VAV2: variants seen among roughly 807,000 people sequenced by gnomAD.
VAV2 encodes guanine nucleotide exchange factor VAV2.
Under a neutral mutation model 132.5 loss-of-function variants are expected in VAV2, and 67 were observed. The observed-to-expected ratio is 0.51, with a 90% CI of 0.42 to 0.62. The LOEUF (loss-of-function observed/expected upper bound fraction) is 0.62. Among genes scored for constraint, VAV2 ranks in the 20% least tolerant of loss-of-function variants. VAV2 has a pLI of 0.00. For synonymous variants in VAV2, 492 were observed against 443.5 expected, an observed-to-expected ratio of 1.11 and a Z score of -1.37; for missense variants, 938 against 1,153.6, an observed-to-expected ratio of 0.81 and a Z score of 2.71.
At chr9:133,849,700 T>C (rs376421436) in intron 3 of VAV2, among the ~76,000 whole-genome samples, 1 of 152,224 alleles carries the variant, frequency 6.6e-6, no homozygotes, top group East Asian at 1.9e-4. Flanking sequence ...GGGTCCTTCC[T>C]GCCTCTTCCA....
At chr9:133,777,543 C>A in intron 22 of VAV2, 80 bp from the exon 23 acceptor site, 1 of 1,369,674 alleles carries the variant, frequency 7.3e-7, no homozygotes, top group Non-Finnish European at 1.0e-6. Context: ...ACGGACTCAG[C>A]GTATGCCAAT....
intron 1 of VAV2, among the ~76,000 whole-genome samples, chr9:133,964,022 C>CATATGTAT (rs1217468550): frequency 3.2e-5 from 3 of 93,876 alleles, no homozygotes; most frequent in Non-Finnish European, 6.2e-5. Context: ...ATTATTCATT[C>CATATGTAT]ATATATATAT....
rs56144697 is a variant in VAV2, at chr9:133,787,334, G to A, written c.1408-74C>T. 6.3e-4 allele frequency: 913 copies of A among 1,451,354 alleles called. 11 individuals carry two copies. In the East Asian group the frequency reaches 0.021, roughly 34 times the overall value. 89.9% of individuals were successfully genotyped at this position (1,451,354 alleles called of 1,614,324 possible). A position where few individuals can be genotyped will look rare whatever the true frequency, so the allele number is the denominator to read the frequency against. On this transcript the variant is annotated intron_variant, in intron 15 of 29. Transcript: ENST00000371850. ...TAAGCCCGGCCCTGTGGTGGGTGCC[G>A]CAGTGTGGAGGCGCCAGGAGCCCTG...
chr9:133,781,460 A>C (rs1834004085), intron 19 of VAV2, among the ~76,000 whole-genome samples: 1 of 151,940 alleles, frequency 6.6e-6, no homozygotes, highest in Non-Finnish European at 1.5e-5. Flanking sequence ...ACCACAGAAC[A>C]GGTTCCAGCT....
rs1048638617 is a variant in VAV2 at position 133,912,439 on chromosome 9, C to T, written c.321+26664G>A. Among the ~76,000 whole-genome samples, 8 of 152,128 alleles carry T rather than the reference C, an allele frequency of 5.3e-5. No individual in the cohort carries two copies. The highest frequency in any genetic ancestry group is 7.4e-5 in the Non-Finnish European group (5 of 68,026). The stretch of plus-strand genomic sequence containing the variant: ...GTGTGCCTAGATGAAGGAACCAGGA[C>T]GCAGTGGCGCTTTTCCATCTGTACC... On this transcript the variant is annotated intron_variant, in intron 2 of 29. Transcript: ENST00000371850. This position sits in a 1 kb window ranked among gnomAD's most constrained non-coding sequence, Gnocchi z 4.3.
chr9:133,822,199 C>G (rs1396026107), intron 4 of VAV2, among the ~76,000 whole-genome samples: 2 of 152,230 alleles, frequency 1.3e-5, no homozygotes, highest in Non-Finnish European at 2.9e-5. Context: ...CTTTCTGCCC[C>G]TGGTGAGCCT....
chr9:133,793,677 G>T (rs896895357), intron 12 of VAV2, among the ~76,000 whole-genome samples: 6 of 152,164 alleles, frequency 3.9e-5, no homozygotes, highest in African/African-American at 1.4e-4. Context: ...TGAATGAGCA[G>T]GTGAGGGAAA....
At chr9:133,953,731 C>G (rs1841645815) in intron 1 of VAV2, among the ~76,000 whole-genome samples, 1 of 152,108 alleles carries the variant, frequency 6.6e-6, no homozygotes, top group Admixed American at 6.5e-5. Context: ...CAGGGAGATG[C>G]AGGTTCAAAT....
chr9:133,928,105 G>A lies in VAV2; in HGVS notation c.321+10998C>T, dbSNP rs584738. On this transcript the variant is annotated intron_variant, in intron 2 of 29. Coordinates refer to ENST00000371850, the MANE Select transcript of VAV2 (RefSeq NM_001134398.2). This position sits in a 1 kb window ranked among gnomAD's most constrained non-coding sequence, Gnocchi z 5.4. ...TGGCTCCCGCCTGGAAAGGAAAGCA[G>A]AGAAAAACCTCTCCCATCCCCAGTT... Among the ~76,000 whole-genome samples the A allele has an allele frequency of 0.37, 56,557 of 151,840 alleles. 11,231 individuals are homozygous for A. Among genetic ancestry groups the A allele is most frequent in the East Asian group, 0.59 (3,032 of 5,104 alleles).
At chr9:133,964,038 TATATATATATAC>T (rs1263883956) in intron 1 of VAV2, among the ~76,000 whole-genome samples, 1 of 101,148 alleles carries the variant, frequency 9.9e-6, no homozygotes, top group African/African-American at 3.2e-5. Context: ...TATATATATA[TATATATATATAC>T]ATATATATAC....
intron 9 of VAV2, among the ~76,000 whole-genome samples, chr9:133,800,698 C>T (rs1189211072): frequency 6.6e-6 from 1 of 152,188 alleles, no homozygotes; most frequent in Non-Finnish European, 1.5e-5. Context: ...TTTGTGAGCT[C>T]CGCCTTTCAA....
In VAV2 at chr9:133,809,155, G is replaced by A. The variant is rs1214146456; in HGVS notation, c.568-17C>T. 6.2e-7 allele frequency: 1 copy of A among 1,611,012 alleles called. No individual in the cohort carries two copies. Among genetic ancestry groups the A allele is most frequent in the Non-Finnish European group, 8.5e-7 (1 of 1,177,808 alleles). ...GCCCATTTTCTAGAGGAGGGAAGGG[G>A]GAGTCAGCAGGACCCCATGGGCCCG... On this transcript the variant is annotated splice_polypyrimidine_tract_variant and intron_variant, in intron 6 of 29. Transcript: ENST00000371850.
intron 1 of VAV2, among the ~76,000 whole-genome samples, chr9:133,986,196 G>A (rs1254254325): frequency 2.6e-5 from 4 of 152,224 alleles, no homozygotes; most frequent in African/African-American, 7.2e-5. Context: ...CACCAGCAAT[G>A]GGGCACAGCC....
At position 133,835,787 on chromosome 9, in the gene VAV2, G is replaced by A. The variant is rs543126151; in HGVS notation, c.381-1447C>T. Among the ~76,000 whole-genome samples, 154 of 152,320 alleles carry A rather than the reference G, an allele frequency of 1.0e-3. 1 individual carries two copies. The highest frequency in any genetic ancestry group is 3.0e-3 in the African/African-American group (126 of 41,570). ...CCTGCGGGAGGGCAGGGGGGAGTCC[G>A]CTGATCTGTGAGCTGGAAACCTGGG... On this transcript the variant is annotated intron_variant, in intron 3 of 29. Coordinates refer to ENST00000371850, the MANE Select transcript of VAV2 (RefSeq NM_001134398.2).
chr9:133,787,799 G>T (rs1195445149), intron 15 of VAV2, among the ~76,000 whole-genome samples: 1 of 150,814 alleles, frequency 6.6e-6, no homozygotes, highest in African/African-American at 2.4e-5. Context: ...GCCCACCTCT[G>T]CAGTCCTGGC....
At chr9:133,827,452 A>G (rs604525) in intron 4 of VAV2, among the ~76,000 whole-genome samples, 1,687 of 2,886 alleles carry the variant, frequency 0.58, 612 homozygotes, top group Middle Eastern at 1. Context: ...TGGGGGCATC[A>G]CCACCTACCG....
chr9:133,949,413 A>G (rs535827688), intron 1 of VAV2, among the ~76,000 whole-genome samples: 2 of 152,284 alleles, frequency 1.3e-5, no homozygotes, highest in African/African-American at 4.8e-5. Context: ...CACGTGGCTG[A>G]CACGTGGCAC....
At chr9:133,981,832 C>T (rs944674984) in intron 1 of VAV2, among the ~76,000 whole-genome samples, 4 of 152,166 alleles carry the variant, frequency 2.6e-5, no homozygotes, top group Admixed American at 6.5e-5. Context: ...CGGCCTCTGT[C>T]AGGAAAATGG....
intron 4 of VAV2, among the ~76,000 whole-genome samples, chr9:133,821,198 T>C (rs1380796122): frequency 6.6e-6 from 1 of 152,208 alleles, no homozygotes; most frequent in Non-Finnish European, 1.5e-5. Context: ...GGAGGCTCCG[T>C]GTCATCAGAG....
Sources: gnomAD v4.1 joint callset for allele counts (sites outside exome capture counted in the v4.1 genomes callset) on GRCh38, gnomAD v4.1.1 for gene constraint, Gnocchi (gnomAD v3.1) non-coding constraint, MANE v1.5 for transcripts, NCBI Gene and HGNC (gene_info 2026-07-23, HGNC 2026-07-21) for gene names.